The following ADARB1 variants were observed in gnomAD, a reference collection of about 807,000 sequenced individuals.
ADARB1 encodes double-stranded RNA-specific editase 1.
ADARB1 carries 10 observed loss-of-function variants against 52.4 expected under a neutral mutation model. The ratio of observed to expected loss-of-function variants is 0.19; its 90% CI spans 0.12 to 0.32. The LOEUF (loss-of-function observed/expected upper bound fraction) is 0.32, where lower values mean the gene tolerates loss of function less well. Ranked by LOEUF, ADARB1 falls within the 10% of genes least tolerant of loss-of-function variation. ADARB1 has a pLI of 1.00. For missense variants in ADARB1, 643 were observed against 922.3 expected (o/e 0.70, Z 3.92); for synonymous variants, 349 against 371.1 (o/e 0.94, Z 0.68).
At chr21:45,138,031 A>T (rs1302571804) in intron 2 of ADARB1, among the ~76,000 whole-genome samples, 1 of 152,208 alleles carries the variant, frequency 6.6e-6, no homozygotes, top group African/African-American at 2.4e-5. Context: ...GAAGCGATAG[A>T]GTATAGCTCT....
rs564527366 is a variant in ADARB1, at chr21:45,213,279, A to G, written c.1748-7557A>G. Among the ~76,000 whole-genome samples the G allele has an allele frequency of 3.3e-5, 5 of 152,148 alleles. No individual in the cohort carries two copies. In the South Asian group the frequency reaches 1.0e-3, roughly 32 times the overall value. On this transcript the variant is annotated intron_variant, in intron 9 of 10. Transcript: ENST00000348831. ...GCTGTCTCTGGGTTTTATAGCTTTA[A>G]TTTTCTAAGGTTTGTGTGAATTTTT...
In ADARB1 at chr21:45,224,428, G is replaced by A; in HGVS notation, c.*2231G>A. ...GTGCGGCCTTGAGGACAGGCACAGG[G>A]CACCCTATCCCAAGCCGTCCAGGCA... is the stretch of plus-strand genomic sequence containing the variant. On this transcript the variant is annotated 3_prime_UTR_variant, in exon 11 of 11. Transcript: ENST00000348831. The A allele has an allele frequency of 1.0e-6, 1 of 977,644 alleles. No individual in the cohort carries two copies. The highest frequency in any genetic ancestry group is 1.2e-6 in the Non-Finnish European group (1 of 828,122). The allele number at this position is 977,644 out of a possible 1,614,324, so 60.6% of individuals were successfully genotyped here.
chr21:45,172,926 C>G lies in ADARB1; in HGVS notation c.28+1242C>G, dbSNP rs1189628520. Among the ~76,000 whole-genome samples the G allele has an allele frequency of 1.3e-5, 2 of 152,176 alleles. No homozygotes were observed. The highest frequency in any genetic ancestry group is 2.1e-4 in the South Asian group (1 of 4,830). ...TACTGGGCAGTTCTACTCACTGTTTCCAAGTTTGTGACAAGTTTTAAGAGA... is the reference window on the plus strand; with the variant it reads ...TACTGGGCAGTTCTACTCACTGTTTGCAAGTTTGTGACAAGTTTTAAGAGA... On this transcript the variant is annotated intron_variant, in intron 3 of 10. Coordinates refer to ENST00000348831, the MANE Select transcript of ADARB1 (RefSeq NM_001112.4). The surrounding 1 kb of genome is among the most constrained non-coding windows in gnomAD (Gnocchi z 4.4).
At chr21:45,181,687 C>T (rs925565061) in intron 5 of ADARB1, among the ~76,000 whole-genome samples, 2 of 152,234 alleles carry the variant, frequency 1.3e-5, no homozygotes, top group East Asian at 3.8e-4. Flanking sequence ...TCACCTGAGA[C>T]CACTTGCTCA....
At chr21:45,178,255 G>A (rs2091781369) in intron 4 of ADARB1, among the ~76,000 whole-genome samples, 1 of 152,258 alleles carries the variant, frequency 6.6e-6, no homozygotes. Flanking sequence ...ACTTCTGTGT[G>A]GAGCATGACC....
At position 45,200,234 on chromosome 21, in the gene ADARB1, G is replaced by GCA. The variant is rs2092521079; in HGVS notation, c.1566-4321_1566-4320insCA. The stretch of plus-strand genomic sequence containing the variant: ...GCCATGGTAGGTTGGGGGTGGGGTG[G>GCA]GAGCCACAGCACTGCCATTGGAGGT... On this transcript the variant is annotated intron_variant, in intron 8 of 10. Transcript: ENST00000348831. The surrounding 1 kb of genome is among the most constrained non-coding windows in gnomAD (Gnocchi z 5.0). Among the ~76,000 whole-genome samples the GCA allele has an allele frequency of 6.6e-6, 1 of 152,164 alleles. No individual in the cohort carries two copies. The highest frequency in any genetic ancestry group is 2.4e-5 in the African/African-American group (1 of 41,434).
At chr21:45,114,176 G>T (rs565651806) in intron 1 of ADARB1, among the ~76,000 whole-genome samples, 1 of 152,266 alleles carries the variant, frequency 6.6e-6, no homozygotes, top group African/African-American at 2.4e-5. Context: ...GGTTGTTTTG[G>T]CTCCTACCCT....
chr21:45,081,194 C>G (rs1033945789), intron 1 of ADARB1, among the ~76,000 whole-genome samples: 1 of 152,076 alleles, frequency 6.6e-6, no homozygotes, highest in Non-Finnish European at 1.5e-5. Context: ...TGTGAGTCAT[C>G]GTGGGAGGAT....
At chr21:45,193,728 TA>T (rs1208707283) in intron 8 of ADARB1, among the ~76,000 whole-genome samples, 2 of 152,256 alleles carry the variant, frequency 1.3e-5, no homozygotes, top group African/African-American at 2.4e-5. Context: ...AAATCAGTTA[TA>T]TTTTTTACAC....
chr21:45,128,731 A>G lies in ADARB1; in HGVS notation c.-48+158A>G, dbSNP rs1373791328. On this transcript the variant is annotated intron_variant, in intron 2 of 10. Transcript: ENST00000348831. The surrounding 1 kb of genome is among the most constrained non-coding windows in gnomAD (Gnocchi z 4.6). ...ATCTGTTACTGTTGGTTGATTTCTA[A>G]TCTTACTGCAGCCTTAGCTCACCCA... Among the ~76,000 whole-genome samples, 4 of 152,126 alleles carry G rather than the reference A, an allele frequency of 2.6e-5. No homozygotes were observed. Among genetic ancestry groups the G allele is most frequent in the Admixed American group, 6.5e-5 (1 of 15,280 alleles).
At chr21:45,105,925 G>C (rs546221610) in intron 1 of ADARB1, among the ~76,000 whole-genome samples, 16 of 152,274 alleles carry the variant, frequency 1.1e-4, no homozygotes, top group Admixed American at 3.3e-4. Flanking sequence ...GCTGAAATCA[G>C]CTTCTTTGCT....
intron 8 of ADARB1, among the ~76,000 whole-genome samples, chr21:45,198,897 T>A (rs577938169): frequency 1.3e-5 from 2 of 152,362 alleles, no homozygotes; most frequent in South Asian, 4.1e-4. Context: ...ATCATTTCAA[T>A]GTGATTTTAA....
chr21:45,134,348 C>T (rs1156956872), intron 2 of ADARB1, among the ~76,000 whole-genome samples: 28 of 104,742 alleles, frequency 2.7e-4, no homozygotes, highest in Admixed American at 1.0e-4. Flanking sequence ...GTGGTGTGTG[C>T]GCCCGACGGG....
In ADARB1 at chr21:45,175,937, C is replaced by T. The variant is rs754756681; in HGVS notation, c.236C>T (p.Pro79Leu). 1.2e-6 allele frequency: 2 copies of T among 1,610,018 alleles called. No individual in the cohort carries two copies. The highest frequency in any genetic ancestry group is 1.7e-6 in the Non-Finnish European group (2 of 1,178,084). Residue 79 changes from proline to leucine, a missense_variant, in exon 4 of 11, where the codon CCC becomes CTC. Physicochemically the swap from Pro to Leu is moderately conservative, Grantham distance 98. Around this residue, in one of 2 missense-constraint regions of ADARB1, gnomAD observed 380 missense variants for 446.5 expected, o/e 0.85. Transcript: ENST00000348831. ...AGGAAAACACCAGGGCCCGTCCTCC[C>T]CAAGAACGCCCTGATGCAGCTGAAT... is the stretch of plus-strand genomic sequence containing the variant. ...KRRKTPGPVL[P>L]KNALMQLNEI...
chr21:45,185,161 C>T (rs192149172), intron 8 of ADARB1, 70 bp downstream of exon 8: 1 of 1,537,618 alleles, frequency 6.5e-7, no homozygotes, highest in Admixed American at 1.8e-5. Context: ...TGCCAACCTC[C>T]CTTTTCCACA....
In ADARB1 at chr21:45,226,269, T is replaced by C. The variant is rs987558913; in HGVS notation, c.*4072T>C. The C allele has an allele frequency of 6.6e-6, 1 of 152,586 alleles. No individual in the cohort carries two copies. Among genetic ancestry groups the C allele is most frequent in the African/African-American group, 2.4e-5 (1 of 41,476 alleles). The allele number at this position is 152,586 out of a possible 1,614,324, so 9.5% of individuals were successfully genotyped here. A position where few individuals can be genotyped will look rare whatever the true frequency, so the allele number is the denominator to read the frequency against. On this transcript the variant is annotated 3_prime_UTR_variant, in exon 11 of 11. Transcript: ENST00000348831. The stretch of plus-strand genomic sequence containing the variant: ...ACTGAACGGTTAAAAGCACAGTCTA[T>C]GGAACGCTAATGGAGTCAGCCCCTA...
chr21:45,131,500 A>T (rs2088929395), intron 2 of ADARB1, among the ~76,000 whole-genome samples: 1 of 152,196 alleles, frequency 6.6e-6, no homozygotes, highest in African/African-American at 2.4e-5. Context: ...TTTGTGCAGG[A>T]CAGTTCCTTG....
At chr21:45,078,108 A>G (rs777909895) in intron 1 of ADARB1, among the ~76,000 whole-genome samples, 6 of 151,932 alleles carry the variant, frequency 3.9e-5, no homozygotes, top group Middle Eastern at 6.8e-3. Flanking sequence ...TTCCACCTGT[A>G]TGCCTATAAG....
At chr21:45,178,819 A>G (rs991432576) in intron 4 of ADARB1, among the ~76,000 whole-genome samples, 12 of 152,118 alleles carry the variant, frequency 7.9e-5, no homozygotes, top group Non-Finnish European at 1.5e-5. Flanking sequence ...ATACAGGTTA[A>G]TGAGACCAGT....
Sources: gnomAD v4.1 joint callset for allele counts (sites outside exome capture counted in the v4.1 genomes callset) on GRCh38, gnomAD v4.1.1 for gene constraint, gnomAD v4.1.1 regional missense constraint, Gnocchi (gnomAD v3.1) non-coding constraint, MANE v1.5 for transcripts, NCBI Gene and HGNC (gene_info 2026-07-23, HGNC 2026-07-21) for gene names.